The following CRACD variants were observed in gnomAD, a reference collection of about 807,000 sequenced individuals.
CRACD encodes capping protein-inhibiting regulator of actin dynamics.
Under a neutral mutation model 106.8 loss-of-function variants are expected in CRACD, and 56 were observed. That is an observed-to-expected ratio of 0.52 (90% CI 0.42 to 0.66). The LOEUF (loss-of-function observed/expected upper bound fraction) is 0.66. Ranked by LOEUF, CRACD falls within the 30% of genes least tolerant of loss-of-function variation. CRACD has a pLI of 0.00. For synonymous variants in CRACD, 754 were observed against 670.8 expected (o/e 1.12, Z -1.92); for missense variants, 1,730 against 1,623.2 (o/e 1.07, Z -1.13).
chr4:56,142,229 C>T (rs1372036222), intron 1 of CRACD, among the ~76,000 whole-genome samples: 3 of 152,046 alleles, frequency 2.0e-5, no homozygotes, highest in African/African-American at 4.8e-5. Context: ...TTCTAATATA[C>T]CATGGGTGTT....
intron 1 of CRACD, among the ~76,000 whole-genome samples, chr4:56,163,336 C>T (rs1201813663): frequency 6.6e-6 from 1 of 151,778 alleles, no homozygotes; most frequent in East Asian, 1.9e-4. Flanking sequence ...AATATTTTTC[C>T]TCATACAGCA....
Position 56,061,609 on chromosome 4 carries a change from C to T in CRACD, c.-336+12310C>T, listed in dbSNP as rs116708382. Among the ~76,000 whole-genome samples the T allele has an allele frequency of 5.7e-3, 869 of 151,920 alleles. 9 individuals carry two copies. Among genetic ancestry groups the T allele is most frequent in the African/African-American group, 0.02 (812 of 41,398 alleles). On this transcript the variant is annotated intron_variant, in intron 1 of 10. Transcript: ENST00000682029. The stretch of plus-strand genomic sequence containing the variant: ...TGAGATACAGACAGGATCCCTGCAC[C>T]GTGGAGATGACATTCTGGTGGGAGA...
intron 2 of CRACD, among the ~76,000 whole-genome samples, chr4:56,200,508 C>T (rs1053259740): frequency 3.3e-5 from 5 of 152,068 alleles, no homozygotes; most frequent in Non-Finnish European, 7.4e-5. Context: ...TTTTAATATG[C>T]GACACTCATT....
intron 2 of CRACD, among the ~76,000 whole-genome samples, chr4:56,220,348 T>C (rs1738962091): frequency 6.6e-6 from 1 of 152,212 alleles, no homozygotes; most frequent in Non-Finnish European, 1.5e-5. Context: ...AACTGTTGCC[T>C]CTCCCTAAAT....
chr4:56,111,633 C>T (rs2109843193), intron 1 of CRACD, among the ~76,000 whole-genome samples: 1 of 152,314 alleles, frequency 6.6e-6, no homozygotes, highest in South Asian at 2.1e-4. Context: ...CCTCTGCCCT[C>T]TGGGTTCAAG....
At chr4:56,150,937 T>A (rs1332916724) in intron 1 of CRACD, among the ~76,000 whole-genome samples, 1 of 152,226 alleles carries the variant, frequency 6.6e-6, no homozygotes. Context: ...AACAGTTGTC[T>A]AAAATGGCTC....
rs538858824 is a variant in CRACD at position 56,135,694 on chromosome 4, G to C, written c.-335-43590G>C. On this transcript the variant is annotated intron_variant, in intron 1 of 10. Coordinates refer to ENST00000682029, the MANE Select transcript of CRACD (RefSeq NM_001393381.1). ...TGTGAATGAGGAAATGTGGTTGAAG[G>C]GATAGTGAACAGTTCCACGCGCAGG... Among the ~76,000 whole-genome samples the C allele has an allele frequency of 7.0e-3, 1,065 of 152,258 alleles. 3 individuals are homozygous for C. Among genetic ancestry groups the C allele is most frequent in the Middle Eastern group, 0.014 (4 of 294 alleles).
rs760059180 is a variant in CRACD, at chr4:56,314,932, C to A, written c.1430C>A (p.Pro477His). The A allele has an allele frequency of 6.2e-7, 1 of 1,601,128 alleles. No individual in the cohort carries two copies. Among genetic ancestry groups the A allele is most frequent in the South Asian group, 1.1e-5 (1 of 88,584 alleles). ...RSGDFQGADR[P>H]GPEEKREEGD... ...GGGGATTTCCAGGGGGCCGATCGTC[C>A]TGGGCCCGAGGAAAAGAGAGAAGAA... The change falls in exon 8 of 11, where the codon CCT becomes CAT. Residue 477 changes from proline to histidine, a missense_variant. Physicochemically the swap from Pro to His is moderately conservative, Grantham distance 77 (BLOSUM62 -2). Transcript: ENST00000682029. The surrounding 1 kb of genome is among the most constrained non-coding windows in gnomAD (Gnocchi z 4.4).
chr4:56,246,667 A>G (rs772553281), intron 2 of CRACD: 5 of 152,286 alleles, frequency 3.3e-5, no homozygotes, highest in Non-Finnish European at 5.9e-5. Flanking sequence ...AGGTGGAAGA[A>G]TCTCATGTTT....
chr4:56,215,654 G>A (rs763383364), intron 2 of CRACD, among the ~76,000 whole-genome samples: 7 of 152,310 alleles, frequency 4.6e-5, no homozygotes, highest in Non-Finnish European at 1.0e-4. Flanking sequence ...CATAGAGACA[G>A]CATAATAGAT....
At chr4:56,269,725 C>T (rs1742238437) in intron 2 of CRACD, among the ~76,000 whole-genome samples, 1 of 152,012 alleles carries the variant, frequency 6.6e-6, no homozygotes, top group Non-Finnish European at 1.5e-5. Flanking sequence ...GCCACCACAC[C>T]TGGCTAATTT....
chr4:56,127,946 TATTGC>T (rs1226555377), intron 1 of CRACD, among the ~76,000 whole-genome samples: 1 of 152,224 alleles, frequency 6.6e-6, no homozygotes, highest in Non-Finnish European at 1.5e-5. Flanking sequence ...GGGACACTCC[TATTGC>T]ATTGTCCTTA....
chr4:56,180,088 G>C (rs1736749209), intron 2 of CRACD, among the ~76,000 whole-genome samples: 2 of 152,096 alleles, frequency 1.3e-5, no homozygotes, highest in Non-Finnish European at 2.9e-5. Flanking sequence ...CAGTGGCCTT[G>C]TGTCTCATGG....
chr4:56,117,822 A>G (rs1398282393), intron 1 of CRACD, among the ~76,000 whole-genome samples: 3 of 151,524 alleles, frequency 2.0e-5, no homozygotes, highest in East Asian at 3.9e-4. Context: ...CAGTGGTGTG[A>G]TCTCGGCTCA....
chr4:56,091,250 C>T (rs967488203), intron 1 of CRACD, among the ~76,000 whole-genome samples: 4 of 151,948 alleles, frequency 2.6e-5, no homozygotes, highest in Admixed American at 2.6e-4. Flanking sequence ...GAGACACTAT[C>T]TTTTCCAGGC....
chr4:56,163,194 G>A (rs537929798), intron 1 of CRACD, among the ~76,000 whole-genome samples: 3 of 151,992 alleles, frequency 2.0e-5, no homozygotes, highest in African/African-American at 7.3e-5. Context: ...CCTTCGAGAC[G>A]TTCCAAGGAG....
intron 1 of CRACD, among the ~76,000 whole-genome samples, chr4:56,131,206 G>T (rs1356276021): frequency 6.6e-6 from 1 of 152,088 alleles, no homozygotes; most frequent in Non-Finnish European, 1.5e-5. Flanking sequence ...CTAGGCTCTG[G>T]AGTCTGGTAG....
intron 1 of CRACD, among the ~76,000 whole-genome samples, chr4:56,068,442 T>C (rs963640236): frequency 6.6e-6 from 1 of 152,170 alleles, no homozygotes; most frequent in African/African-American, 2.4e-5. Context: ...TGACTTTTAC[T>C]TCAGATGAGA....
chr4:56,311,080 G>A (rs1041120360), intron 6 of CRACD: 1 of 205,698 alleles, frequency 4.9e-6, no homozygotes, highest in Non-Finnish European at 9.7e-6. Context: ...GTAAGGAAAC[G>A]AGTCCTCTTA....
Sources: gnomAD v4.1 joint callset for allele counts (sites outside exome capture counted in the v4.1 genomes callset) on GRCh38, gnomAD v4.1.1 for gene constraint, Gnocchi (gnomAD v3.1) non-coding constraint, MANE v1.5 for transcripts, NCBI Gene and HGNC (gene_info 2026-07-23, HGNC 2026-07-21) for gene names.